USP7: variants seen among roughly 807,000 people sequenced by gnomAD.
The protein encoded by USP7 is ubiquitin specific peptidase 7.
USP7 carries 9 observed loss-of-function variants against 162.9 expected under a neutral mutation model. The ratio of observed to expected loss-of-function variants is 0.06; its 90% CI spans 0.03 to 0.10. The LOEUF is 0.10. Among genes scored for constraint, USP7 ranks in the 10% least tolerant of loss-of-function variants. The probability of loss-of-function intolerance (pLI) is 1.00; values close to 1 mark genes in which losing one functional copy is unlikely to be tolerated. For missense variants in USP7, 715 were observed against 1,373.7 expected, an observed-to-expected ratio of 0.52 and a Z score of 7.58; for synonymous variants, 562 against 475.9, an observed-to-expected ratio of 1.18 and a Z score of -2.35.
rs1398016220 is a variant in USP7, at chr16:8,919,016, A to G, written c.720+15T>C. ...GTGAGCGGAAGGCTGCAGGAGAGGA[A>G]CACTATCCATTTACCTTTCGTAGCT... On this transcript the variant is annotated intron_variant, in intron 6 of 30. Coordinates refer to ENST00000344836, the MANE Select transcript of USP7 (RefSeq NM_003470.3). 6.2e-7 allele frequency: 1 copy of G among 1,612,000 alleles called. No homozygotes were observed. The highest frequency in any genetic ancestry group is 1.7e-5 in the Admixed American group (1 of 60,030).
rs1355918865 is a variant in USP7 at position 8,897,746 on chromosome 16, T to A, written c.2718+614A>T. On this transcript the variant is annotated intron_variant, in intron 25 of 30. Transcript: ENST00000344836. The stretch of plus-strand genomic sequence containing the variant: ...AAAAAAATATATATATATATATATA[T>A]AAATGAGTTGGGCGTGGTGACATAC... Among the ~76,000 whole-genome samples the A allele has an allele frequency of 3.4e-3, 351 of 103,014 alleles. 9 individuals are homozygous for A. The highest frequency in any genetic ancestry group is 0.013 in the African/African-American group (332 of 25,048). 67.6% of individuals were successfully genotyped at this position (103,014 alleles called of 152,430 possible).
Position 8,897,084 on chromosome 16 carries a change from G to C in USP7, c.2734C>G (p.Pro912Ala). 1 of 1,613,310 alleles carries C rather than the reference G, an allele frequency of 6.2e-7. No individual in the cohort carries two copies. The highest frequency in any genetic ancestry group is 8.5e-7 in the Non-Finnish European group (1 of 1,179,322). ...QFREEEITLYPDKHGCVRDLL... is the reference protein window; with the variant it reads ...QFREEEITLYADKHGCVRDLL... ...TCCCGGACACACCCATGCTTGTCTG[G>C]ATATAGTGTTATTTCCTAAGTAATG... The change falls in exon 26 of 31, where the codon CCA becomes GCA. Residue 912 changes from proline to alanine, a missense_variant. Pro to Ala is a conservative substitution (Grantham distance 27). Transcript: ENST00000344836.
chr16:8,926,547 G>A (rs1898008590), intron 2 of USP7, among the ~76,000 whole-genome samples: 1 of 152,190 alleles, frequency 6.6e-6, no homozygotes, highest in African/African-American at 2.4e-5. Context: ...AGCTTTCACA[G>A]ATACGGCCAG....
chr16:8,894,196 C>T, intron 30 of USP7, 92 bp from the exon 31 acceptor site: 2 of 1,211,512 alleles, frequency 1.7e-6, no homozygotes, highest in Non-Finnish European at 2.4e-6. Flanking sequence ...ATCCCTGTGG[C>T]TCCCCAAGGG....
At chr16:8,904,616 T>TCC in intron 14 of USP7, 51 bp from the exon 15 acceptor site, 1 of 1,598,788 alleles carries the variant, frequency 6.3e-7, no homozygotes, top group Non-Finnish European at 8.5e-7. Flanking sequence ...CTTTCCCCTC[T>TCC]TAGAAGCTCC....
At chr16:8,956,655 C>T (rs1218214392) in intron 1 of USP7, among the ~76,000 whole-genome samples, 2 of 151,974 alleles carry the variant, frequency 1.3e-5, no homozygotes, top group South Asian at 2.1e-4. Context: ...TCCAGCTACT[C>T]GGGAGGCTGA....
intron 1 of USP7, among the ~76,000 whole-genome samples, chr16:8,937,587 C>T (rs1395488283): frequency 6.6e-5 from 10 of 152,104 alleles, no homozygotes. Flanking sequence ...GTAATCCCAG[C>T]CACTTGGGAG....
intron 26 of USP7, among the ~76,000 whole-genome samples, chr16:8,896,074 C>T (rs1443817036): frequency 1.3e-5 from 2 of 150,408 alleles, no homozygotes; most frequent in Non-Finnish European, 2.9e-5. Flanking sequence ...CTCCTGACCT[C>T]GTGATCCGCC....
chr16:8,923,355 C>G lies in USP7; in HGVS notation c.243G>C (p.Leu81=). The G allele has an allele frequency of 6.2e-7, 1 of 1,614,232 alleles. No individual in the cohort carries two copies. Among genetic ancestry groups the G allele is most frequent in the African/African-American group, 1.3e-5 (1 of 75,062 alleles). Residue 81 remains leucine (L), a synonymous_variant, in exon 3 of 31, where the codon CTG becomes CTC. Coordinates refer to ENST00000344836, the MANE Select transcript of USP7 (RefSeq NM_003470.3). ...FQFTVERFSR[L]SESVLSPPCF... is the part of the protein sequence containing the mutation. Reference sequence around the variant, plus strand: ...ACGGAGGGCTAAGGACCGACTCACTCAGTCTGCTGAAGCGCTCCACAGTGA... The same window carrying G: ...ACGGAGGGCTAAGGACCGACTCACTGAGTCTGCTGAAGCGCTCCACAGTGA...
At chr16:8,912,144 A>G (rs2061956729) in intron 10 of USP7, among the ~76,000 whole-genome samples, 1 of 152,214 alleles carries the variant, frequency 6.6e-6, no homozygotes, top group African/African-American at 2.4e-5. Flanking sequence ...TGTTCAATAA[A>G]AAAGTTACCA....
At chr16:8,930,426 G>A (rs771468894) in intron 1 of USP7, 29 bp from the exon 2 acceptor site, 10 of 1,548,278 alleles carry the variant, frequency 6.5e-6, no homozygotes, top group Non-Finnish European at 8.8e-6. Context: ...AATTCCACGG[G>A]TTTTACATTC....
At chr16:8,935,426 G>C (rs1259550409) in intron 1 of USP7, among the ~76,000 whole-genome samples, 3 of 152,138 alleles carry the variant, frequency 2.0e-5, no homozygotes, top group African/African-American at 7.2e-5. Context: ...GGCCAGGCTG[G>C]TCTCGAACTC....
intron 2 of USP7, among the ~76,000 whole-genome samples, chr16:8,923,837 A>G (rs1897843433): frequency 6.6e-6 from 1 of 152,196 alleles, no homozygotes; most frequent in Admixed American, 6.5e-5. Context: ...TTTACAGAGC[A>G]CGGAACACAC....
At chr16:8,933,781 A>T (rs1468034515) in intron 1 of USP7, among the ~76,000 whole-genome samples, 1 of 145,966 alleles carries the variant, frequency 6.9e-6, no homozygotes, top group Non-Finnish European at 1.5e-5. Context: ...TTTGAGATGG[A>T]GTCTTCCTCT....
At position 8,910,543 on chromosome 16, in the gene USP7, C is replaced by G. The variant is rs376341039; in HGVS notation, c.1161+202G>C. Among the ~76,000 whole-genome samples the G allele has an allele frequency of 2.0e-5, 3 of 152,258 alleles. No individual in the cohort carries two copies. The South Asian group carries it at 6.2e-4, about 32-fold the overall frequency. ...ACCCTCCGGACTGCTGGATGTGCTT[C>G]TACAGGATAAACCAGCTGCACTCCA... is the stretch of plus-strand genomic sequence containing the variant. On this transcript the variant is annotated intron_variant, in intron 11 of 30. Transcript: ENST00000344836.
intron 25 of USP7, among the ~76,000 whole-genome samples, chr16:8,897,726 A>AAAAAAAAAATATATATAT (rs1555461671): frequency 2.8e-4 from 2 of 7,138 alleles, no homozygotes; most frequent in Admixed American, 3.2e-3. Context: ...AAAAAAAAAA[A>AAAAAAAAAATATATATAT]ATATATATAT....
At chr16:8,938,482 G>A (rs996693310) in intron 1 of USP7, among the ~76,000 whole-genome samples, 3 of 152,150 alleles carry the variant, frequency 2.0e-5, no homozygotes, top group Non-Finnish European at 4.4e-5. Context: ...GGAGGCCGAG[G>A]CAGGTGGATC....
In USP7 at chr16:8,957,973, G is replaced by A. The variant is rs145714548; in HGVS notation, c.79+5234C>T. 4.4e-4 allele frequency among the ~76,000 whole-genome samples: 67 copies of A among 152,194 alleles called. No homozygotes were observed. In the East Asian group the frequency reaches 8.5e-3, roughly 19 times the overall value. On this transcript the variant is annotated intron_variant, in intron 1 of 30. Coordinates refer to ENST00000344836, the MANE Select transcript of USP7 (RefSeq NM_003470.3). ...AATGAGCACCTATCAAAGCAATACC[G>A]TTTTATGGCTTCAGCGTCTCTTTCT...
At position 8,904,408 on chromosome 16, in the gene USP7, C is replaced by T. The variant is rs577884963; in HGVS notation, c.1704+27G>A. The T allele has an allele frequency of 2.4e-5, 38 of 1,609,966 alleles. No homozygotes were observed. In the East Asian group the frequency reaches 2.9e-4, roughly 12 times the overall value. ...ATGGGTGCCCGGCTGCATGGTGACC[C>T]GGAGTCCCAGAAGGGCGGGGGCTGA... is the stretch of plus-strand genomic sequence containing the variant. On this transcript the variant is annotated intron_variant, in intron 15 of 30. Coordinates refer to ENST00000344836, the MANE Select transcript of USP7 (RefSeq NM_003470.3).
Sources: allele counts gnomAD v4.1 joint callset (sites outside exome capture counted in the v4.1 genomes callset), GRCh38; gene constraint gnomAD v4.1.1; transcripts MANE v1.5; gene names NCBI Gene and HGNC (gene_info 2026-07-23, HGNC 2026-07-21).